Variants in PARD3B observed in about 807,000 individuals in gnomAD.
The protein encoded by PARD3B is par-3 family cell polarity regulator beta.
Under a neutral mutation model 130.2 loss-of-function variants are expected in PARD3B, and 103 were observed. The observed-to-expected ratio is 0.79, with a 90% CI of 0.67 to 0.93. The LOEUF (loss-of-function observed/expected upper bound fraction) is 0.93, where lower values mean the gene tolerates loss of function less well. PARD3B is among the 40% of genes least tolerant of loss of function. The pLI, the probability that PARD3B is intolerant of heterozygous loss-of-function variation, is 0.00. For synonymous variants in PARD3B, 583 were observed against 553.2 expected, an observed-to-expected ratio of 1.05 and a Z score of -0.76; for missense variants, 1,609 against 1,499.2, an observed-to-expected ratio of 1.07 and a Z score of -1.21.
At chr2:205,495,998 C>A (rs1325802723) in intron 20 of PARD3B, among the ~76,000 whole-genome samples, 4 of 152,092 alleles carry the variant, frequency 2.6e-5, no homozygotes, top group Non-Finnish European at 5.9e-5. Flanking sequence ...TCTGAGAATT[C>A]TTTCCCAATT....
At chr2:205,002,736 C>G (rs1314699293) in intron 3 of PARD3B, among the ~76,000 whole-genome samples, 1 of 152,188 alleles carries the variant, frequency 6.6e-6, no homozygotes, top group Non-Finnish European at 1.5e-5. Flanking sequence ...CTTTCCCCTG[C>G]TTCATATCAT....
chr2:204,957,443 T>C (rs1037814714), intron 2 of PARD3B, among the ~76,000 whole-genome samples: 2 of 152,154 alleles, frequency 1.3e-5, no homozygotes, highest in African/African-American at 4.8e-5. Flanking sequence ...TTTTAAAGGT[T>C]CCTGTTCTGA....
intron 4 of PARD3B, among the ~76,000 whole-genome samples, chr2:205,083,552 C>A (rs193087378): frequency 1.6e-3 from 249 of 151,450 alleles, no homozygotes; most frequent in African/African-American, 5.9e-3. Context: ...TCTTCTCTTT[C>A]ATTTCTTTAT....
At position 205,321,395 on chromosome 2, in the gene PARD3B, G is replaced by A. The variant is rs1002003054; in HGVS notation, c.2630+19694G>A. 4.0e-5 allele frequency among the ~76,000 whole-genome samples: 6 copies of A among 151,654 alleles called. No individual in the cohort carries two copies. Among genetic ancestry groups the A allele is most frequent in the Non-Finnish European group, 8.8e-5 (6 of 67,936 alleles). On this transcript the variant is annotated intron_variant, in intron 18 of 22. Transcript: ENST00000406610. This position sits in a 1 kb window ranked among gnomAD's most constrained non-coding sequence, Gnocchi z 4.2. ...CACAAAGAATTTCCTTATACCTTCC[G>A]CCCAGATTCCTCAGATAGTAACATT...
chr2:205,377,159 C>T (rs1276648035), intron 18 of PARD3B, among the ~76,000 whole-genome samples: 1 of 152,064 alleles, frequency 6.6e-6, no homozygotes, highest in Non-Finnish European at 1.5e-5. Flanking sequence ...TTTCAGTTAC[C>T]ATAAAAAGTT....
At chr2:205,424,282 C>T (rs971934932) in intron 19 of PARD3B, among the ~76,000 whole-genome samples, 3 of 152,058 alleles carry the variant, frequency 2.0e-5, no homozygotes, top group Non-Finnish European at 4.4e-5. Context: ...TATGAAGGGT[C>T]TGTGTTTATC....
chr2:204,696,483 A>G (rs1028083047), intron 2 of PARD3B, among the ~76,000 whole-genome samples: 3 of 152,038 alleles, frequency 2.0e-5, no homozygotes, highest in Non-Finnish European at 2.9e-5. Context: ...TATATTATTA[A>G]TTAGCCATAT....
At chr2:205,172,070 C>T in intron 11 of PARD3B, 141 bp from the exon 12 acceptor site, 1 of 752,048 alleles carries the variant, frequency 1.3e-6, no homozygotes, top group Non-Finnish European at 2.1e-6. Flanking sequence ...CTTTTTCTGC[C>T]ATGGAAAATA....
intron 2 of PARD3B, among the ~76,000 whole-genome samples, chr2:204,942,769 A>C (rs1291027396): frequency 6.6e-6 from 1 of 152,214 alleles, no homozygotes; most frequent in Admixed American, 6.5e-5. Flanking sequence ...GAAATCCCTA[A>C]ACTTATTTTC....
At chr2:204,729,504 A>C (rs1469185313) in intron 2 of PARD3B, among the ~76,000 whole-genome samples, 1 of 152,158 alleles carries the variant, frequency 6.6e-6, no homozygotes, top group African/African-American at 2.4e-5. Flanking sequence ...AGATGCTTAA[A>C]ATGTGTTTTT....
intron 16 of PARD3B, among the ~76,000 whole-genome samples, chr2:205,250,592 C>A (rs1292778055): frequency 2.0e-5 from 3 of 152,068 alleles, no homozygotes; most frequent in South Asian, 2.1e-4. Flanking sequence ...TGTTTGGTAT[C>A]CTAACACAGT....
chr2:205,315,968 G>A (rs1426970204), intron 18 of PARD3B, among the ~76,000 whole-genome samples: 5 of 151,868 alleles, frequency 3.3e-5, no homozygotes, highest in Non-Finnish European at 5.9e-5. Flanking sequence ...CATCTGTCTC[G>A]TGCCCTTAAT....
rs140637689 is a variant in PARD3B at position 205,056,443 on chromosome 2, T to C, written c.504+8753T>C. ...TTTACGCTTGTGGAAACATATAGCA[T>C]CCTCATAAGCAGCATGAGAGCCTGT... On this transcript the variant is annotated intron_variant, in intron 4 of 22. Transcript: ENST00000406610. Among the ~76,000 whole-genome samples, 3 of 152,160 alleles carry C rather than the reference T, an allele frequency of 2.0e-5. No homozygotes were observed. The East Asian group carries it at 5.8e-4, about 29-fold the overall frequency.
intron 22 of PARD3B, among the ~76,000 whole-genome samples, chr2:205,571,109 T>G (rs2053546175): frequency 6.6e-6 from 1 of 152,204 alleles, no homozygotes; most frequent in Admixed American, 6.6e-5. Flanking sequence ...GGAGGGCAAA[T>G]GTGTTTTATT....
intron 21 of PARD3B, among the ~76,000 whole-genome samples, chr2:205,512,862 C>T (rs1177918257): frequency 1.3e-5 from 2 of 152,090 alleles, no homozygotes; most frequent in East Asian, 1.9e-4. Context: ...TACCCCCAAA[C>T]CATGTGGAGA....
intron 19 of PARD3B, among the ~76,000 whole-genome samples, chr2:205,422,099 T>G (rs768249930): frequency 1.3e-5 from 2 of 152,074 alleles, no homozygotes; most frequent in Non-Finnish European, 2.9e-5. Flanking sequence ...GAAAATAAAC[T>G]AGAGCAATGT....
At position 205,608,770 on chromosome 2, in the gene PARD3B, A is replaced by T. The variant is rs369523891; in HGVS notation, c.3261-6686A>T. Among the ~76,000 whole-genome samples the T allele has an allele frequency of 7.8e-4, 119 of 152,344 alleles. 4 individuals are homozygous for T. The South Asian group carries it at 0.024, about 31-fold the overall frequency. ...GCACACGCAGTTTGTTAATAACTCA[A>T]TTCTTGTATTTGTGGTCATTGTTTA... On this transcript the variant is annotated intron_variant, in intron 22 of 22. Coordinates refer to ENST00000406610, the MANE Select transcript of PARD3B (RefSeq NM_001302769.2).
At chr2:205,004,631 A>C (rs951170211) in intron 3 of PARD3B, among the ~76,000 whole-genome samples, 5 of 152,216 alleles carry the variant, frequency 3.3e-5, no homozygotes, top group African/African-American at 7.2e-5. Flanking sequence ...ATTGTGAAAA[A>C]TGTTAAGTTG....
At chr2:205,123,213 G>A (rs545510794) in intron 8 of PARD3B, among the ~76,000 whole-genome samples, 59 of 152,292 alleles carry the variant, frequency 3.9e-4, no homozygotes, top group Admixed American at 1.1e-3. Context: ...TAAATGACTG[G>A]TTGTAGGAAG....
Sources: gnomAD v4.1 joint callset for allele counts (sites outside exome capture counted in the v4.1 genomes callset) on GRCh38, gnomAD v4.1.1 for gene constraint, Gnocchi (gnomAD v3.1) non-coding constraint, MANE v1.5 for transcripts, NCBI Gene and HGNC (gene_info 2026-07-23, HGNC 2026-07-21) for gene names.